Variants in GALNT13 observed in about 807,000 individuals in gnomAD.
GALNT13 encodes polypeptide N-acetylgalactosaminyltransferase 13.
A neutral mutation model predicts 64.2 loss-of-function variants in GALNT13; 28 were observed. The observed-to-expected ratio is 0.44, with a 90% CI of 0.32 to 0.60. The LOEUF is 0.60. Among genes scored for constraint, GALNT13 ranks in the 20% least tolerant of loss-of-function variants. GALNT13 has a pLI of 0.05. For missense variants in GALNT13, 577 were observed against 669.8 expected (o/e 0.86, Z 1.53); for synonymous variants, 214 against 224.6 (o/e 0.95, Z 0.42).
the GALNT13 span, among the ~76,000 whole-genome samples, chr2:153,325,885 A>G: frequency 6.6e-6 from 1 of 152,052 alleles, no homozygotes; most frequent in Admixed American, 6.6e-5. Context: ...TTTCTGTTCT[A>G]TTGCATTTGC....
the GALNT13 span, among the ~76,000 whole-genome samples, chr2:153,279,711 A>C: frequency 3.9e-5 from 6 of 152,178 alleles, no homozygotes; most frequent in Middle Eastern, 3.4e-3. Context: ...AATATAGCCT[A>C]GTTGCTCCTG....
At chr2:153,615,521 A>T in the GALNT13 span, among the ~76,000 whole-genome samples, 1 of 151,970 alleles carries the variant, frequency 6.6e-6, no homozygotes, top group African/African-American at 2.4e-5. Flanking sequence ...TTTTCTCCAC[A>T]TCCTCACCAG....
rs60456139 is a variant in GALNT13, at chr2:154,154,934, T to TTGTGTG, written c.311+14457_311+14462dup. 4.9e-3 allele frequency among the ~76,000 whole-genome samples: 729 copies of TTGTGTG among 149,408 alleles called. 3 individuals are homozygous for TTGTGTG. The highest frequency in any genetic ancestry group is 0.01 in the Middle Eastern group (3 of 290). On this transcript the variant is annotated intron_variant, in intron 4 of 12. Coordinates refer to ENST00000392825, the MANE Select transcript of GALNT13 (RefSeq NM_052917.4). ...TTGTGGTTTTGCTGATTGTTTATGT[T>TTGTGTG]TGTGTGTGTGTGTGTGTGTGTGTGT...
the GALNT13 span, among the ~76,000 whole-genome samples, chr2:153,807,994 T>G: frequency 6.6e-6 from 1 of 152,158 alleles, no homozygotes; most frequent in Admixed American, 6.5e-5. Context: ...TCAACTGAAT[T>G]ATCAACTTCA....
chr2:154,112,532 C>T (rs1703045331), intron 3 of GALNT13, among the ~76,000 whole-genome samples: 1 of 152,192 alleles, frequency 6.6e-6, no homozygotes, highest in Non-Finnish European at 1.5e-5. Context: ...TCTTTGTCAC[C>T]AATTTTCCTA....
chr2:154,307,726 G>T lies in GALNT13; in HGVS notation c.1156+6137G>T, dbSNP rs2178091. ...TTTTAAAGCCCTGTAGGCTGTTAAA[G>T]CCTATGGCAGTTTTCACAAGTAATT... On this transcript the variant is annotated intron_variant, in intron 9 of 12. Coordinates refer to ENST00000392825, the MANE Select transcript of GALNT13 (RefSeq NM_052917.4). Among the ~76,000 whole-genome samples, 10 of 152,142 alleles carry T rather than the reference G, an allele frequency of 6.6e-5. No individual in the cohort carries two copies. In the East Asian group the frequency reaches 1.9e-3, roughly 29 times the overall value.
chr2:153,968,378 A>G (rs1693517243), intron 3 of GALNT13, among the ~76,000 whole-genome samples: 1 of 152,142 alleles, frequency 6.6e-6, no homozygotes, highest in African/African-American at 2.4e-5. Context: ...CTTCAATGCA[A>G]AGTCCCACAC....
the GALNT13 span, among the ~76,000 whole-genome samples, chr2:153,366,050 A>G: frequency 4.6e-5 from 7 of 152,242 alleles, no homozygotes; most frequent in Non-Finnish European, 1.5e-5. Flanking sequence ...ACCATGGAAT[A>G]CTATGCAGCC....
chr2:153,358,993 C>A, the GALNT13 span, among the ~76,000 whole-genome samples: 1 of 152,148 alleles, frequency 6.6e-6, no homozygotes, highest in Non-Finnish European at 1.5e-5. Flanking sequence ...GTATATTATA[C>A]AAATCCTTTC....
the GALNT13 span, among the ~76,000 whole-genome samples, chr2:153,133,432 A>C: frequency 6.6e-6 from 1 of 152,036 alleles, no homozygotes; most frequent in Non-Finnish European, 1.5e-5. Flanking sequence ...TCTGGAATTC[A>C]ATCAGTGAGA....
At chr2:153,953,351 T>G (rs10931850) in intron 3 of GALNT13, among the ~76,000 whole-genome samples, 9,336 of 152,182 alleles carry the variant, frequency 0.061, 588 homozygotes, top group African/African-American at 0.16. Flanking sequence ...ATTTTAAGTA[T>G]TAACTATTCT....
chr2:153,868,037 T>C (rs972673824), upstream of GALNT13, among the ~76,000 whole-genome samples: 3 of 152,024 alleles, frequency 2.0e-5, no homozygotes, highest in African/African-American at 7.2e-5. Flanking sequence ...CTCAGCAAAA[T>C]GTAGTATTCA....
intron 3 of GALNT13, among the ~76,000 whole-genome samples, chr2:153,985,162 T>C (rs752377241): frequency 1.4e-4 from 21 of 152,058 alleles, no homozygotes; most frequent in Non-Finnish European, 2.6e-4. Context: ...TATCAGTTAG[T>C]ATTTATGACT....
At chr2:154,346,465 A>T (rs1696073739) in intron 9 of GALNT13, among the ~76,000 whole-genome samples, 1 of 152,046 alleles carries the variant, frequency 6.6e-6, no homozygotes, top group Non-Finnish European at 1.5e-5. Flanking sequence ...AGTGGGAGAT[A>T]ATTGAATCGT....
chr2:154,192,808 G>GTGTTAT lies in GALNT13; in HGVS notation c.312-49222_312-49221insTGTTAT, dbSNP rs1686669579. 4.6e-5 allele frequency among the ~76,000 whole-genome samples: 7 copies of GTGTTAT among 152,190 alleles called. No homozygotes were observed. In the South Asian group the frequency reaches 1.5e-3, roughly 32 times the overall value. ...GTTGTTATCTTGTGATTTACTTAAGGCTTATGTGTAGCTTGAAAAAGATGT... is the reference window on the plus strand; with the variant it reads ...GTTGTTATCTTGTGATTTACTTAAGGTGTTATCTTATGTGTAGCTTGAAAAAGATGT... On this transcript the variant is annotated intron_variant, in intron 4 of 12. Transcript: ENST00000392825.
chr2:153,303,957 G>A, the GALNT13 span, among the ~76,000 whole-genome samples: 193 of 152,028 alleles, frequency 1.3e-3, no homozygotes, highest in Non-Finnish European at 2.3e-3. Flanking sequence ...AATGCCAGCA[G>A]CCATTTCAGA....
the GALNT13 span, among the ~76,000 whole-genome samples, chr2:153,494,338 G>A: frequency 1.4e-4 from 22 of 152,010 alleles, 1 homozygote; most frequent in South Asian, 8.3e-4. Context: ...AGAATACTGC[G>A]GGCAATTTAG....
the GALNT13 span, among the ~76,000 whole-genome samples, chr2:153,675,054 T>C: frequency 1.3e-5 from 2 of 152,152 alleles, no homozygotes; most frequent in Admixed American, 1.3e-4. Context: ...CAACAGATGC[T>C]GGAGAGGATA....
At chr2:153,486,536 A>T in the GALNT13 span, among the ~76,000 whole-genome samples, 1 of 152,124 alleles carries the variant, frequency 6.6e-6, no homozygotes, top group Non-Finnish European at 1.5e-5. Flanking sequence ...GGCTGCACTG[A>T]GTCAGGGCTT....
Sources: allele counts gnomAD v4.1 joint callset (sites outside exome capture counted in the v4.1 genomes callset), GRCh38; gene constraint gnomAD v4.1.1; transcripts MANE v1.5; gene names NCBI Gene and HGNC (gene_info 2026-07-23, HGNC 2026-07-21).